Variants in MYO9A observed in about 807,000 individuals in gnomAD.
The protein encoded by MYO9A is unconventional myosin-IXa.
Under a neutral mutation model 293.3 loss-of-function variants are expected in MYO9A, and 103 were observed. The observed-to-expected ratio is 0.35, with a 90% CI of 0.30 to 0.41. The LOEUF (loss-of-function observed/expected upper bound fraction) is 0.41, where lower values mean the gene tolerates loss of function less well. MYO9A is among the 10% of genes least tolerant of loss of function. MYO9A has a pLI of 1.00. For missense variants in MYO9A, 2,685 were observed against 3,033.0 expected (o/e 0.89, Z 2.69); for synonymous variants, 1,001 against 1,035.7 (o/e 0.97, Z 0.64).
chr15:71,908,830 C>T (rs543061627), intron 19 of MYO9A, among the ~76,000 whole-genome samples: 86 of 152,268 alleles, frequency 5.6e-4, no homozygotes, highest in Non-Finnish European at 1.1e-3. Context: ...TGGGTTTAAA[C>T]AAATATATAG....
In MYO9A at chr15:71,826,043, T is replaced by TAACA. The variant is rs1555456860; in HGVS notation, c.*533_*536dup. 32 of 134,928 alleles carry TAACA rather than the reference T, an allele frequency of 2.4e-4. 1 individual carries two copies. Among genetic ancestry groups the TAACA allele is most frequent in the Middle Eastern group, 7.8e-3 (2 of 256 alleles). The allele number at this position is 134,928 out of a possible 1,614,324, so 8.4% of individuals were successfully genotyped here. A position where few individuals can be genotyped will look rare whatever the true frequency, so the allele number is the denominator to read the frequency against. On this transcript the variant is annotated 3_prime_UTR_variant, in exon 42 of 42. Transcript: ENST00000356056. Reference sequence around the variant, plus strand: ...TTTTGTTTTTGCTTTCCCCAGAATATAACATGGAGTGTTTTTTCAGAAATC... The same window carrying TAACA: ...TTTTGTTTTTGCTTTCCCCAGAATATAACAAACATGGAGTGTTTTTTCAGAAATC...
chr15:72,068,253 C>G (rs2079078339), intron 1 of MYO9A, among the ~76,000 whole-genome samples: 1 of 152,028 alleles, frequency 6.6e-6, no homozygotes, highest in South Asian at 2.1e-4. Context: ...TACACCTAAG[C>G]AGTACTTCTC....
rs746632939 is a variant in MYO9A at position 71,903,083 on chromosome 15, T to G, written c.2878-20A>C. ...AAAATCCTGAAAAATAATTTAAAAA[T>G]ATTGTAAAATCAGAAAACAGTGTAT... On this transcript the variant is annotated intron_variant, in intron 21 of 41. Transcript: ENST00000356056. The G allele has an allele frequency of 6.4e-7, 1 of 1,565,798 alleles. No homozygotes were observed. The highest frequency in any genetic ancestry group is 1.2e-5 in the South Asian group (1 of 85,578).
intron 38 of MYO9A, among the ~76,000 whole-genome samples, chr15:71,849,216 G>A (rs943729267): frequency 1.6e-4 from 25 of 152,122 alleles, no homozygotes; most frequent in African/African-American, 4.6e-4. Context: ...TTGGGAGGCC[G>A]AGGCGGGTGG....
At chr15:72,065,282 G>A (rs754502856) in intron 1 of MYO9A, among the ~76,000 whole-genome samples, 5 of 152,084 alleles carry the variant, frequency 3.3e-5, no homozygotes, top group South Asian at 4.2e-4. Context: ...TTGGGAGGCC[G>A]AGGCAGGCAG....
In MYO9A at chr15:71,938,856, G is replaced by C; in HGVS notation, c.2374C>G (p.Gln792Glu). 2 of 1,606,316 alleles carry C rather than the reference G, an allele frequency of 1.2e-6. No individual in the cohort carries two copies. Reference protein sequence around the residue: ...QGMNALNEKNQHDTFDIAWNG... With the variant: ...QGMNALNEKNEHDTFDIAWNG... ...ACATAAACCAAACACACTTACTGTTGGTTTTTTTCATTTAGAGCATTCATG... is the reference window on the plus strand; with the variant it reads ...ACATAAACCAAACACACTTACTGTTCGTTTTTTTCATTTAGAGCATTCATG... Residue 792 changes from glutamine to glutamate, a missense_variant, in exon 16 of 42, where the codon CAA (glutamine) becomes GAA (glutamate). Around this residue, in one of 10 missense-constraint regions of MYO9A, gnomAD observed 1,434 missense variants for 1,497.7 expected, o/e 0.96. Transcript: ENST00000356056.
intron 32 of MYO9A, among the ~76,000 whole-genome samples, chr15:71,862,858 T>C (rs1027899755): frequency 4.6e-5 from 7 of 152,006 alleles, no homozygotes; most frequent in African/African-American, 1.7e-4. Context: ...ATATAATAGC[T>C]GTCTTACATG....
chr15:72,004,931 A>T (rs764865090), intron 8 of MYO9A, among the ~76,000 whole-genome samples: 6 of 152,214 alleles, frequency 3.9e-5, no homozygotes, highest in Non-Finnish European at 8.8e-5. Flanking sequence ...GAGAGGAATT[A>T]AATTAAATCA....
intron 1 of MYO9A, among the ~76,000 whole-genome samples, chr15:72,048,220 T>A (rs1479130314): frequency 2.0e-5 from 3 of 151,398 alleles, no homozygotes. Flanking sequence ...GCCAACATGG[T>A]GAAACCCTGT....
intron 31 of MYO9A, among the ~76,000 whole-genome samples, chr15:71,876,460 G>A (rs141937864): frequency 0.04 from 4,932 of 124,516 alleles, 170 homozygotes; most frequent in Admixed American, 0.091. Flanking sequence ...TTTTGAGACG[G>A]AGTTTTGCTC....
chr15:71,903,088 T>C (rs1298677787), intron 21 of MYO9A, 25 bp from the exon 22 acceptor site: 1 of 1,559,492 alleles, frequency 6.4e-7, no homozygotes, highest in Admixed American at 1.8e-5. Context: ...AAAAATATTG[T>C]AAAATCAGAA....
Position 71,898,548 on chromosome 15 carries a change from G to A in MYO9A, c.3955C>T (p.Arg1319Trp), listed in dbSNP as rs139403801. The A allele has an allele frequency of 2.3e-4, 370 of 1,613,932 alleles. No homozygotes were observed. The highest frequency in any genetic ancestry group is 2.9e-4 in the Non-Finnish European group (340 of 1,179,996). The change falls in exon 25 of 42, where the codon CGG (arginine) becomes TGG (tryptophan). Residue 1319 changes from arginine (R) to tryptophan (W), a missense_variant. This residue lies in a region of MYO9A where 1,434 missense variants were observed against 1,497.7 expected (regional missense o/e 0.96). Transcript: ENST00000356056. ...ELVPEGLQSP[R>W]GTPDSESSQG... Reference sequence around the variant, plus strand: ...GAGCTCTCACTATCAGGTGTACCCCGTGGAGACTGAAGGCCTTCAGGCACC... The same window carrying A: ...GAGCTCTCACTATCAGGTGTACCCCATGGAGACTGAAGGCCTTCAGGCACC...
chr15:71,917,087 G>T (rs939226356), intron 18 of MYO9A, among the ~76,000 whole-genome samples: 12 of 152,170 alleles, frequency 7.9e-5, no homozygotes, highest in African/African-American at 2.7e-4. Context: ...TTCTGCAAAT[G>T]TTATTTTAAC....
At chr15:72,111,232 A>G (rs12592969) in intron 1 of MYO9A, among the ~76,000 whole-genome samples, 6,714 of 151,778 alleles carry the variant, frequency 0.044, 262 homozygotes, top group East Asian at 0.18. Context: ...GCTCACACCT[A>G]TAATCCCAGC....
chr15:71,893,938 A>G (rs1289370982), intron 25 of MYO9A, among the ~76,000 whole-genome samples, 160 bp from the exon 26 acceptor site: 1 of 152,202 alleles, frequency 6.6e-6, no homozygotes, highest in Admixed American at 6.5e-5. Flanking sequence ...AGTAATAATA[A>G]TCCTGAACCT....
intron 2 of MYO9A, among the ~76,000 whole-genome samples, chr15:72,043,045 G>A (rs1166009583): frequency 3.9e-5 from 6 of 151,982 alleles, no homozygotes; most frequent in Non-Finnish European, 8.8e-5. Context: ...CTCCAGCCTG[G>A]GCAATAGAGG....
chr15:72,058,963 CATTA>C (rs1338753660), intron 1 of MYO9A, among the ~76,000 whole-genome samples: 3 of 152,158 alleles, frequency 2.0e-5, no homozygotes, highest in African/African-American at 7.2e-5. Context: ...AAAATATATA[CATTA>C]ATTTTGTTTT....
intron 15 of MYO9A, among the ~76,000 whole-genome samples, chr15:71,951,455 A>C (rs2146556268): frequency 6.6e-6 from 1 of 151,026 alleles, no homozygotes; most frequent in East Asian, 1.9e-4. Context: ...TTTTTTTATG[A>C]GCAGGAAAGA....
chr15:71,867,379 AAAG>A (rs1347418802), intron 32 of MYO9A, among the ~76,000 whole-genome samples: 2 of 152,188 alleles, frequency 1.3e-5, no homozygotes, highest in Non-Finnish European at 2.9e-5. Flanking sequence ...AGCTATGAAA[AAAG>A]AAGATTCACA....
Sources: allele counts gnomAD v4.1 joint callset (sites outside exome capture counted in the v4.1 genomes callset), GRCh38; gene constraint gnomAD v4.1.1; regional missense constraint gnomAD v4.1.1; transcripts MANE v1.5; gene names NCBI Gene and HGNC (gene_info 2026-07-23, HGNC 2026-07-21).